The following BAALC variants were observed in gnomAD, a reference collection of about 807,000 sequenced individuals.
BAALC encodes the protein BAALC binder of MAP3K1 and KLF4.
In BAALC, 9 loss-of-function variants were observed where a neutral mutation model predicts 15.5. That is an observed-to-expected ratio of 0.58 (90% CI 0.35 to 1.02). BAALC has a LOEUF of 1.02. Ranked by LOEUF, BAALC falls within the 50% of genes least tolerant of loss-of-function variation. The pLI, the probability that BAALC is intolerant of heterozygous loss-of-function variation, is 0.02. For synonymous variants in BAALC, 80 were observed against 74.6 expected (o/e 1.07, Z -0.37); for missense variants, 201 against 192.4 (o/e 1.04, Z -0.27).
intron 1 of BAALC, among the ~76,000 whole-genome samples, chr8:103,159,514 T>A (rs933148933): frequency 2.6e-5 from 4 of 152,196 alleles, no homozygotes; most frequent in African/African-American, 7.2e-5. Context: ...CCTAGTATCC[T>A]CCAAAGGTGG....
chr8:103,219,624 A>T (rs1812635611), intron 2 of BAALC: 1 of 152,202 alleles, frequency 6.6e-6, no homozygotes, highest in South Asian at 2.1e-4. Context: ...GGCTTGGAGG[A>T]ATCTTAAGAG....
chr8:103,192,823 G>A (rs1224929619), intron 1 of BAALC, among the ~76,000 whole-genome samples: 3 of 152,152 alleles, frequency 2.0e-5, no homozygotes, highest in South Asian at 2.1e-4. Context: ...AGATACATAT[G>A]GCCATGCAGG....
At chr8:103,142,686 GGT>G (rs556104348) in intron 1 of BAALC, among the ~76,000 whole-genome samples, 5 of 152,072 alleles carry the variant, frequency 3.3e-5, no homozygotes, top group Non-Finnish European at 7.4e-5. Flanking sequence ...GGGAGTATAT[GGT>G]GTGTGTGTGT....
intron 1 of BAALC, among the ~76,000 whole-genome samples, chr8:103,180,079 G>A (rs900730107): frequency 6.6e-6 from 1 of 152,226 alleles, no homozygotes; most frequent in South Asian, 2.1e-4. Flanking sequence ...TGATAAGCAG[G>A]GGGAGTGCAG....
At chr8:103,211,601 C>A (rs534621990) in intron 1 of BAALC, among the ~76,000 whole-genome samples, 3 of 152,284 alleles carry the variant, frequency 2.0e-5, no homozygotes, top group Admixed American at 2.0e-4. Context: ...TGGCCTTCCT[C>A]AAATGTTTGC....
chr8:103,227,957 A>T, intron 2 of BAALC, 32 bp from the exon 3 acceptor site: 1 of 1,465,888 alleles, frequency 6.8e-7, no homozygotes, highest in Non-Finnish European at 9.5e-7. Flanking sequence ...TACATTTCCT[A>T]GTAACTCAAT....
intron 1 of BAALC, among the ~76,000 whole-genome samples, chr8:103,177,163 GTTT>G (rs34780451): frequency 1.5e-5 from 2 of 131,054 alleles, no homozygotes; most frequent in African/African-American, 5.3e-5. Flanking sequence ...CTGTGTGCGG[GTTT>G]TTTGTTGTTG....
rs147257348 is a variant in BAALC, at chr8:103,152,375, C to T, written c.160+11318C>T. Among the ~76,000 whole-genome samples, 14 of 152,242 alleles carry T rather than the reference C, an allele frequency of 9.2e-5. 1 individual carries two copies. Among genetic ancestry groups the T allele is most frequent in the African/African-American group, 3.1e-4 (13 of 41,542 alleles). ...CACTTGCTGCAATGTGCTTCCTCCC[C>T]ACACCCGCCCCCTCTGTGTGGTTAA... On this transcript the variant is annotated intron_variant, in intron 1 of 2. Coordinates refer to ENST00000309982, the MANE Select transcript of BAALC (RefSeq NM_024812.3).
At chr8:103,142,011 G>C (rs1810789513) in intron 1 of BAALC, among the ~76,000 whole-genome samples, 1 of 152,138 alleles carries the variant, frequency 6.6e-6, no homozygotes, top group Non-Finnish European at 1.5e-5. Flanking sequence ...CTTATTACAT[G>C]GATGTTGTCC....
At chr8:103,207,285 T>C (rs562861391) in intron 1 of BAALC, among the ~76,000 whole-genome samples, 1 of 152,322 alleles carries the variant, frequency 6.6e-6, no homozygotes, top group Admixed American at 6.5e-5. Context: ...CATTAACACG[T>C]ATATTTTACA....
intron 1 of BAALC, among the ~76,000 whole-genome samples, chr8:103,148,756 T>G (rs1019629865): frequency 6.6e-6 from 1 of 152,162 alleles, no homozygotes; most frequent in Non-Finnish European, 1.5e-5. Flanking sequence ...GGCACTTTGT[T>G]ATGGCAGCCC....
At chr8:103,162,465 C>G (rs11787154) in intron 1 of BAALC, among the ~76,000 whole-genome samples, 119,700 of 152,112 alleles carry the variant, frequency 0.79, 47,364 homozygotes, top group East Asian at 0.87. Context: ...ACAGTCCCAG[C>G]ACTTCTCCAT....
At chr8:103,225,177 A>G (rs1209532360) in intron 2 of BAALC, among the ~76,000 whole-genome samples, 1 of 152,216 alleles carries the variant, frequency 6.6e-6, no homozygotes, top group Non-Finnish European at 1.5e-5. Context: ...ACTGGTTGTT[A>G]AAGCAAGGGT....
chr8:103,144,832 T>C (rs998515532), intron 1 of BAALC, among the ~76,000 whole-genome samples: 3 of 152,244 alleles, frequency 2.0e-5, no homozygotes, highest in African/African-American at 7.2e-5. Context: ...ATGGACAGCA[T>C]TTAATATCAC....
intron 1 of BAALC, among the ~76,000 whole-genome samples, chr8:103,150,452 G>A (rs372182150): frequency 6.6e-6 from 1 of 152,088 alleles, no homozygotes; most frequent in Admixed American, 6.5e-5. Context: ...CAGGTTGGCT[G>A]CCCAGAGCTA....
intron 1 of BAALC, among the ~76,000 whole-genome samples, chr8:103,166,762 A>G (rs1003301102): frequency 6.6e-6 from 1 of 152,174 alleles, no homozygotes; most frequent in Non-Finnish European, 1.5e-5. Flanking sequence ...CCTGGTAATA[A>G]TCCTCTTAAA....
intron 2 of BAALC, among the ~76,000 whole-genome samples, chr8:103,217,119 G>A (rs191380349): frequency 3.9e-5 from 6 of 152,336 alleles, no homozygotes; most frequent in African/African-American, 1.4e-4. Context: ...TCAATGAGCA[G>A]CCTGTGCAGC....
At chr8:103,185,124 A>G (rs140755556) in intron 1 of BAALC, among the ~76,000 whole-genome samples, 107 of 152,012 alleles carry the variant, frequency 7.0e-4, no homozygotes, top group African/African-American at 2.5e-3. Context: ...TTGATTTGGT[A>G]TCTTTATAGC....
At chr8:103,146,392 AC>A (rs1316677350) in intron 1 of BAALC, among the ~76,000 whole-genome samples, 2 of 152,124 alleles carry the variant, frequency 1.3e-5, no homozygotes, top group Admixed American at 6.5e-5. Context: ...CTCCACCCAC[AC>A]CCCAGCTGCC....
Sources: allele counts gnomAD v4.1 joint callset (sites outside exome capture counted in the v4.1 genomes callset), GRCh38; gene constraint gnomAD v4.1.1; transcripts MANE v1.5; gene names NCBI Gene and HGNC (gene_info 2026-07-23, HGNC 2026-07-21).